The following SEC13 variants were observed in gnomAD, a reference collection of about 807,000 sequenced individuals.
SEC13 encodes the protein SEC13 homolog, nuclear pore and COPII component.
A neutral mutation model predicts 49.2 loss-of-function variants in SEC13; 25 were observed. That is an observed-to-expected ratio of 0.51 (90% confidence interval 0.37 to 0.71). SEC13 has a LOEUF of 0.71. SEC13 is among the 30% of genes least tolerant of loss of function. The pLI is 0.00. For synonymous variants in SEC13, 148 were observed against 163.9 expected (o/e 0.90, Z 0.74); for missense variants, 383 against 417.6 (o/e 0.92, Z 0.72).
intron 1 of SEC13, chr3:10,320,424 G>A (rs966457485): frequency 1.7e-6 from 1 of 602,154 alleles, no homozygotes; most frequent in Non-Finnish European, 2.1e-6. Flanking sequence ...CACTGCAGAT[G>A]CCACAGAGAC....
intron 2 of SEC13, 98 bp from the exon 3 acceptor site, chr3:10,315,534 T>A: frequency 1.5e-6 from 1 of 686,812 alleles, no homozygotes; most frequent in Non-Finnish European, 2.5e-6. Flanking sequence ...GACCAGAATC[T>A]CCCTGAAATC....
At chr3:10,315,263 C>T in intron 3 of SEC13, 58 bp downstream of exon 3, 1 of 1,261,716 alleles carries the variant, frequency 7.9e-7, no homozygotes, top group African/African-American at 1.5e-5. Context: ...ACGCTTGAAG[C>T]AGGGCCTGAG....
Sources: allele counts gnomAD v4.1 joint callset, GRCh38; gene constraint gnomAD v4.1.1; transcripts MANE v1.5; gene names NCBI Gene and HGNC (gene_info 2026-07-23, HGNC 2026-07-21).